Variants in SLC12A1 observed in about 807,000 individuals in gnomAD.
The protein encoded by SLC12A1 is Na-K-2Cl cotransporter.
Under a neutral mutation model 130.4 loss-of-function variants are expected in SLC12A1, and 89 were observed. The ratio of observed to expected loss-of-function variants is 0.68; its 90% CI spans 0.58 to 0.81. The LOEUF (loss-of-function observed/expected upper bound fraction) is 0.81. SLC12A1 is among the 40% of genes least tolerant of loss of function. The pLI, the probability that SLC12A1 is intolerant of heterozygous loss-of-function variation, is 0.00. For missense variants in SLC12A1, 1,310 were observed against 1,336.4 expected, an observed-to-expected ratio of 0.98 and a Z score of 0.31; for synonymous variants, 499 against 460.0, an observed-to-expected ratio of 1.08 and a Z score of -1.09.
chr15:48,294,655 T>C (rs1398576962), intron 24 of SLC12A1, among the ~76,000 whole-genome samples: 1 of 152,212 alleles, frequency 6.6e-6, no homozygotes, highest in Non-Finnish European at 1.5e-5. Context: ...GCATTTGCAG[T>C]GATATAATCA....
At chr15:48,276,523 T>C (rs2041955874) in intron 20 of SLC12A1, among the ~76,000 whole-genome samples, 1 of 152,164 alleles carries the variant, frequency 6.6e-6, no homozygotes, top group Admixed American at 6.5e-5. Context: ...GGGGTGATCA[T>C]GTGAAGACAT....
intron 15 of SLC12A1, among the ~76,000 whole-genome samples, chr15:48,255,484 T>C (rs1225365676): frequency 6.6e-6 from 1 of 152,100 alleles, no homozygotes; most frequent in Non-Finnish European, 1.5e-5. Flanking sequence ...TTGAATTTAT[T>C]CAGGGACTGA....
chr15:48,233,123 T>C lies in SLC12A1; in HGVS notation c.1087+285T>C, dbSNP rs57230506. 0.11 allele frequency among the ~76,000 whole-genome samples: 16,266 copies of C among 152,224 alleles called. 1,388 individuals carry two copies. Among genetic ancestry groups the C allele is most frequent in the African/African-American group, 0.24 (9,896 of 41,512 alleles). On this transcript the variant is annotated intron_variant, in intron 8 of 26. Transcript: ENST00000380993. ...TTAACTAGTGATAACTAACTAGTGA[T>C]AAAATGGATAGTACATTTCTCCAGG...
intron 15 of SLC12A1, among the ~76,000 whole-genome samples, chr15:48,254,335 C>T (rs976551340): frequency 2.0e-5 from 3 of 151,856 alleles, no homozygotes; most frequent in East Asian, 1.9e-4. Context: ...TACATACAAA[C>T]GTCCAATTGA....
intron 16 of SLC12A1, among the ~76,000 whole-genome samples, chr15:48,257,445 C>G (rs1597434066): frequency 1.3e-5 from 2 of 152,188 alleles, no homozygotes; most frequent in East Asian, 3.8e-4. Flanking sequence ...AGCAGAGGTT[C>G]TCCATGAGTG....
Position 48,285,146 on chromosome 15 carries a change from A to T in SLC12A1, c.2526A>T (p.Glu842Asp). ...TAGAACAGGAGAGACTAGCATTGGA[A>T]GCGACTATCAAAGATAATGAGTGTG... ...ERLEQERLALEATIKDNECEE... is the reference protein window; with the variant it reads ...ERLEQERLALDATIKDNECEE... Residue 842 changes from glutamate to aspartate, a missense_variant, in exon 21 of 27, where the codon GAA becomes GAT. Physicochemically the swap from Glu to Asp is conservative, Grantham distance 45. Transcript: ENST00000380993. 1 of 1,613,460 alleles carries T rather than the reference A, an allele frequency of 6.2e-7. No individual in the cohort carries two copies. The highest frequency in any genetic ancestry group is 8.5e-7 in the Non-Finnish European group (1 of 1,179,580).
rs1247790747 is a variant in SLC12A1, at chr15:48,280,349, A to G, written c.2486-4757A>G. On this transcript the variant is annotated intron_variant, in intron 20 of 26. Coordinates refer to ENST00000380993, the MANE Select transcript of SLC12A1 (RefSeq NM_000338.3). ...TACATGACAGTATGGCTCAAGAGTCACTCTTAGTTATTACTGTGAAAACTG... is the reference window on the plus strand; with the variant it reads ...TACATGACAGTATGGCTCAAGAGTCGCTCTTAGTTATTACTGTGAAAACTG... 7.9e-5 allele frequency among the ~76,000 whole-genome samples: 12 copies of G among 152,130 alleles called. 1 individual carries two copies. Among genetic ancestry groups the G allele is most frequent in the Admixed American group, 7.9e-4 (12 of 15,274 alleles).
chr15:48,262,713 C>T lies in SLC12A1; in HGVS notation c.2154+3402C>T, dbSNP rs541035629. 9.9e-5 allele frequency among the ~76,000 whole-genome samples: 15 copies of T among 152,248 alleles called. No homozygotes were observed. The East Asian group carries it at 2.9e-3, about 29-fold the overall frequency. ...AAATAAATAAATGACATATTTCTAT[C>T]CCAATAGGCTTTATATTAAATATGT... On this transcript the variant is annotated intron_variant, in intron 17 of 26. Transcript: ENST00000380993.
At chr15:48,226,710 G>T (rs1464518027) in intron 5 of SLC12A1, 139 bp downstream of exon 5, 1 of 668,020 alleles carries the variant, frequency 1.5e-6, no homozygotes. Flanking sequence ...GGATGCCAAA[G>T]AAAACCTAAG....
chr15:48,246,884 CCTTA>C (rs776419356), intron 11 of SLC12A1, 21 bp from the exon 12 acceptor site: 1 of 1,509,156 alleles, frequency 6.6e-7, no homozygotes, highest in African/African-American at 1.4e-5. Flanking sequence ...CAGAAAGTCT[CCTTA>C]CTTGTACCTC....
chr15:48,241,826 G>T (rs1473740789), intron 10 of SLC12A1, among the ~76,000 whole-genome samples: 1 of 152,134 alleles, frequency 6.6e-6, no homozygotes, highest in Non-Finnish European at 1.5e-5. Flanking sequence ...AGCTAATCAG[G>T]TTGTCATTCT....
intron 2 of SLC12A1, among the ~76,000 whole-genome samples, chr15:48,210,517 C>T (rs565607341): frequency 1.1e-3 from 171 of 152,084 alleles, no homozygotes; most frequent in African/African-American, 4.0e-3. Context: ...TTATGTAAAT[C>T]TTTCAATAAA....
At position 48,213,816 on chromosome 15, in the gene SLC12A1, C is replaced by T. The variant is rs910521995; in HGVS notation, c.420+5677C>T. ...GGGACTACAGGTGTGAGCCACCACA[C>T]CCAGCCTCCTCTAGAATTTTATAAG... On this transcript the variant is annotated intron_variant, in intron 2 of 26. Coordinates refer to ENST00000380993, the MANE Select transcript of SLC12A1 (RefSeq NM_000338.3). 2.0e-5 allele frequency among the ~76,000 whole-genome samples: 3 copies of T among 152,230 alleles called. No homozygotes were observed. In the East Asian group the frequency reaches 5.8e-4, roughly 29 times the overall value.
chr15:48,257,230 A>C (rs574346802), intron 16 of SLC12A1, among the ~76,000 whole-genome samples: 4 of 152,170 alleles, frequency 2.6e-5, no homozygotes, highest in African/African-American at 9.6e-5. Flanking sequence ...GTGGCTTTGC[A>C]GGGTACAGCC....
chr15:48,220,961 T>C lies in SLC12A1; in HGVS notation c.593T>C (p.Ile198Thr). Residue 198 changes from isoleucine to threonine, a missense_variant, in exon 4 of 27, where the codon ATT becomes ACT. Ile to Thr is a moderately conservative substitution (Grantham distance 89). Coordinates refer to ENST00000380993, the MANE Select transcript of SLC12A1 (RefSeq NM_000338.3). ...MLNIWGVMLFIRLSWIVGEAG... is the reference protein window; with the variant it reads ...MLNIWGVMLFTRLSWIVGEAG... ...AACATCTGGGGAGTCATGCTCTTCA[T>C]TCGCCTCTCCTGGATTGTTGGAGAA... 2 of 1,614,002 alleles carry C rather than the reference T, an allele frequency of 1.2e-6. No individual in the cohort carries two copies. Among genetic ancestry groups the C allele is most frequent in the Non-Finnish European group, 1.7e-6 (2 of 1,179,868 alleles).
At chr15:48,261,971 T>A (rs976834991) in intron 17 of SLC12A1, among the ~76,000 whole-genome samples, 5 of 152,240 alleles carry the variant, frequency 3.3e-5, no homozygotes, top group African/African-American at 1.2e-4. Context: ...ATAAGCTTTC[T>A]AATGCTGAGT....
At chr15:48,228,168 T>C (rs2041316681) in intron 5 of SLC12A1, 1 of 152,212 alleles carries the variant, frequency 6.6e-6, no homozygotes, top group Admixed American at 6.5e-5. Context: ...TAATCAGACC[T>C]CCTAACATCT....
chr15:48,235,814 G>T (rs182052001), intron 9 of SLC12A1, among the ~76,000 whole-genome samples: 1 of 152,050 alleles, frequency 6.6e-6, no homozygotes, highest in Non-Finnish European at 1.5e-5. Flanking sequence ...TTGTTTCACC[G>T]TTACTTTGGG....
intron 5 of SLC12A1, chr15:48,227,573 C>T (rs2041307451): frequency 4.8e-6 from 1 of 207,754 alleles, no homozygotes; most frequent in Non-Finnish European, 9.7e-6. Context: ...TGCACCCAGG[C>T]CTCGGGGCTC....
Sources: gnomAD v4.1 joint callset for allele counts (sites outside exome capture counted in the v4.1 genomes callset) on GRCh38, gnomAD v4.1.1 for gene constraint, MANE v1.5 for transcripts, NCBI Gene and HGNC (gene_info 2026-07-23, HGNC 2026-07-21) for gene names.